The following SLC10A7 variants were observed in gnomAD, a reference collection of about 807,000 sequenced individuals.
SLC10A7 encodes solute carrier family 10 member 7.
A neutral mutation model predicts 43.2 loss-of-function variants in SLC10A7; 29 were observed. The observed-to-expected ratio is 0.67, with a 90% CI of 0.50 to 0.92. The LOEUF (loss-of-function observed/expected upper bound fraction) is 0.92. SLC10A7 is among the 40% of genes least tolerant of loss of function. The pLI, the probability that SLC10A7 is intolerant of heterozygous loss-of-function variation, is 0.00. For missense variants in SLC10A7, 295 were observed against 403.2 expected, an observed-to-expected ratio of 0.73 and a Z score of 2.30; for synonymous variants, 152 against 144.8, an observed-to-expected ratio of 1.05 and a Z score of -0.35.
At chr4:146,281,036 A>C (rs1312402716) in intron 10 of SLC10A7, among the ~76,000 whole-genome samples, 1 of 152,184 alleles carries the variant, frequency 6.6e-6, no homozygotes, top group Non-Finnish European at 1.5e-5. Flanking sequence ...TGGAGGATCT[A>C]TTTCATGGTA....
At chr4:146,416,757 G>A (rs993282542) in intron 5 of SLC10A7, among the ~76,000 whole-genome samples, 5 of 152,030 alleles carry the variant, frequency 3.3e-5, no homozygotes, top group Non-Finnish European at 7.4e-5. Flanking sequence ...TGACCCACAA[G>A]GTCCTAACTT....
chr4:146,290,303 G>A (rs1265953243), intron 9 of SLC10A7, among the ~76,000 whole-genome samples: 2 of 122,292 alleles, frequency 1.6e-5, no homozygotes, highest in East Asian at 5.1e-4. Context: ...CAGCCTGGGC[G>A]ATAGAGCAAG....
At position 146,450,222 on chromosome 4, in the gene SLC10A7, C is replaced by T. The variant is rs556928601; in HGVS notation, c.397-7401G>A. Among the ~76,000 whole-genome samples the T allele has an allele frequency of 4.6e-5, 7 of 152,268 alleles. No homozygotes were observed. The East Asian group carries it at 1.4e-3, about 29-fold the overall frequency. ...AAAAGAAGAAAAAAGATGGTTGCAT[C>T]TGTACTGAATGTGTACATACTTTTT... On this transcript the variant is annotated intron_variant, in intron 4 of 11. Transcript: ENST00000335472.
At chr4:146,497,367 A>G (rs557812891) in intron 4 of SLC10A7, among the ~76,000 whole-genome samples, 1 of 152,324 alleles carries the variant, frequency 6.6e-6, no homozygotes, top group East Asian at 1.9e-4. Flanking sequence ...ATCTGACTAA[A>G]GACTCCTTTC....
chr4:146,329,931 T>C (rs1406909239), intron 5 of SLC10A7, among the ~76,000 whole-genome samples: 3 of 152,212 alleles, frequency 2.0e-5, no homozygotes, highest in Non-Finnish European at 2.9e-5. Context: ...AAAACCAAAG[T>C]GGTAGGAGAT....
intron 5 of SLC10A7, among the ~76,000 whole-genome samples, chr4:146,371,876 T>G (rs988892148): frequency 2.0e-5 from 3 of 152,028 alleles, no homozygotes; most frequent in African/African-American, 4.8e-5. Flanking sequence ...GTCCAGATGG[T>G]TGGGGATGGC....
intron 5 of SLC10A7, among the ~76,000 whole-genome samples, chr4:146,375,627 C>G (rs1045511003): frequency 2.0e-5 from 3 of 151,970 alleles, no homozygotes; most frequent in African/African-American, 7.3e-5. Context: ...TGTGATTTAC[C>G]TATTTATTTC....
intron 6 of SLC10A7, among the ~76,000 whole-genome samples, chr4:146,321,532 T>C (rs1732706469): frequency 6.6e-6 from 1 of 152,142 alleles, no homozygotes; most frequent in African/African-American, 2.4e-5. Context: ...CAACATATCC[T>C]TTTAGGGGAA....
rs1729673120 is a variant in SLC10A7, at chr4:146,283,358, T to C, written c.774-93A>G. The C allele has an allele frequency of 1.0e-5, 9 of 895,850 alleles. No homozygotes were observed. The Admixed American group carries it at 1.4e-4, about 13-fold the overall frequency. 55.5% of individuals were successfully genotyped at this position (895,850 alleles called of 1,614,324 possible). ...TGTAGTACCTACCTTTATGTTAACATCCCTTTGATCAATCCTGGTGACAGT... is the reference window on the plus strand; with the variant it reads ...TGTAGTACCTACCTTTATGTTAACACCCCTTTGATCAATCCTGGTGACAGT... On this transcript the variant is annotated intron_variant, in intron 9 of 11. Transcript: ENST00000335472.
intron 5 of SLC10A7, among the ~76,000 whole-genome samples, chr4:146,362,550 A>G (rs1245876673): frequency 6.6e-6 from 1 of 152,150 alleles, no homozygotes; most frequent in Admixed American, 6.6e-5. Flanking sequence ...ATGTAAGTAC[A>G]CAAATACAGA....
chr4:146,377,378 A>G (rs1321074616), intron 5 of SLC10A7, among the ~76,000 whole-genome samples: 1 of 152,172 alleles, frequency 6.6e-6, no homozygotes, highest in Non-Finnish European at 1.5e-5. Flanking sequence ...ACACTTAGCC[A>G]TCTGTGGATG....
At chr4:146,395,730 T>A (rs972801489) in intron 5 of SLC10A7, among the ~76,000 whole-genome samples, 1 of 151,932 alleles carries the variant, frequency 6.6e-6, no homozygotes, top group African/African-American at 2.4e-5. Context: ...ATATATATAT[T>A]ACACAATTAC....
chr4:146,409,295 C>G (rs1264561801), intron 5 of SLC10A7, among the ~76,000 whole-genome samples: 1 of 146,396 alleles, frequency 6.8e-6, no homozygotes, highest in Non-Finnish European at 1.5e-5. Flanking sequence ...AACACTTTTG[C>G]TTCCAAATAG....
At chr4:146,272,077 T>A (rs564343534) in intron 10 of SLC10A7, among the ~76,000 whole-genome samples, 37 of 152,304 alleles carry the variant, frequency 2.4e-4, no homozygotes, top group African/African-American at 8.2e-4. Flanking sequence ...ACTTTTTTGG[T>A]GTTTTGTTCA....
At chr4:146,305,663 ACAAAAATCAAGACTCTGT>A (rs1560782083) in intron 7 of SLC10A7, among the ~76,000 whole-genome samples, 1 of 152,106 alleles carries the variant, frequency 6.6e-6, no homozygotes, top group Non-Finnish European at 1.5e-5. Flanking sequence ...AATAAATTAA[ACAAAAATCAAGACTCTGT>A]GTAGAAGTCC....
chr4:146,375,334 T>A (rs1737112293), intron 5 of SLC10A7, among the ~76,000 whole-genome samples: 2 of 152,214 alleles, frequency 1.3e-5, no homozygotes, highest in Non-Finnish European at 2.9e-5. Flanking sequence ...TGTAGGAACA[T>A]CACCTTTGAA....
intron 5 of SLC10A7, among the ~76,000 whole-genome samples, chr4:146,339,975 C>G (rs1306990089): frequency 1.3e-5 from 2 of 151,540 alleles, no homozygotes; most frequent in Non-Finnish European, 2.9e-5. Flanking sequence ...TCTCCCTCCC[C>G]TTGTCCCCCA....
chr4:146,455,943 G>A (rs1226258351), intron 4 of SLC10A7, among the ~76,000 whole-genome samples: 3 of 151,754 alleles, frequency 2.0e-5, no homozygotes, highest in South Asian at 2.1e-4. Context: ...TACAAGTAGC[G>A]TGCTAGTAGC....
At chr4:146,374,621 C>T (rs1363525970) in intron 5 of SLC10A7, among the ~76,000 whole-genome samples, 1 of 108,240 alleles carries the variant, frequency 9.2e-6, no homozygotes, top group Non-Finnish European at 1.9e-5. Context: ...TATACACATA[C>T]ACACACACAC....
Sources: gnomAD v4.1 joint callset for allele counts (sites outside exome capture counted in the v4.1 genomes callset) on GRCh38, gnomAD v4.1.1 for gene constraint, MANE v1.5 for transcripts, NCBI Gene and HGNC (gene_info 2026-07-23, HGNC 2026-07-21) for gene names.